RGL1: variants seen among roughly 807,000 people sequenced by gnomAD.
RGL1 encodes ral guanine nucleotide dissociation stimulator-like 1.
Under a neutral mutation model 95.2 loss-of-function variants are expected in RGL1, and 24 were observed. The ratio of observed to expected loss-of-function variants is 0.25; its 90% CI spans 0.18 to 0.35. The LOEUF (loss-of-function observed/expected upper bound fraction) is 0.35. Among genes scored for constraint, RGL1 ranks in the 10% least tolerant of loss-of-function variants. The pLI, the probability that RGL1 is intolerant of heterozygous loss-of-function variation, is 1.00. For missense variants in RGL1, 715 were observed against 936.3 expected (o/e 0.76, Z 3.08); for synonymous variants, 329 against 344.9 (o/e 0.95, Z 0.51).
chr1:183,763,091 G>A (rs924118837), intron 2 of RGL1, among the ~76,000 whole-genome samples: 1 of 152,156 alleles, frequency 6.6e-6, no homozygotes, highest in African/African-American at 2.4e-5. Flanking sequence ...CCTTTGCAGG[G>A]ACATGGATGA....
At chr1:183,747,190 C>T (rs1196729037) in intron 2 of RGL1, among the ~76,000 whole-genome samples, 7 of 152,240 alleles carry the variant, frequency 4.6e-5, no homozygotes, top group African/African-American at 1.4e-4. Flanking sequence ...ATTGCTGGGT[C>T]AAATGGTATT....
chr1:183,815,917 C>T (rs1055774515), intron 2 of RGL1, among the ~76,000 whole-genome samples: 3 of 152,172 alleles, frequency 2.0e-5, no homozygotes, highest in Non-Finnish European at 2.9e-5. Flanking sequence ...GGCTTTCTTA[C>T]ATGGACCCCC....
intron 2 of RGL1, among the ~76,000 whole-genome samples, chr1:183,824,879 C>T (rs528978376): frequency 3.3e-4 from 23 of 70,254 alleles, no homozygotes; most frequent in African/African-American, 1.1e-3. Flanking sequence ...ACATGTCTGA[C>T]ACCTGTACAA....
Position 183,774,477 on chromosome 1 carries a change from C to T in RGL1, c.133-31898C>T, listed in dbSNP as rs993357796. Reference sequence around the variant, plus strand: ...GTCATTTGCCATCTTTAACTGAAAGCGATCCAATAGTCCCATAGACAGTTC... The same window carrying T: ...GTCATTTGCCATCTTTAACTGAAAGTGATCCAATAGTCCCATAGACAGTTC... On this transcript the variant is annotated intron_variant, in intron 2 of 18. Transcript: ENST00000304685. 4.6e-5 allele frequency among the ~76,000 whole-genome samples: 7 copies of T among 151,936 alleles called. 1 individual carries two copies. The highest frequency in any genetic ancestry group is 3.9e-4 in the Admixed American group (6 of 15,238).
At chr1:183,679,166 T>C (rs1370533577) in intron 1 of RGL1, among the ~76,000 whole-genome samples, 6 of 152,218 alleles carry the variant, frequency 3.9e-5, no homozygotes, top group Admixed American at 3.9e-4. Flanking sequence ...ACCTTTTAAA[T>C]TTCTACCTAA....
intron 1 of RGL1, among the ~76,000 whole-genome samples, chr1:183,703,888 G>A (rs1455017144): frequency 1.3e-5 from 2 of 152,206 alleles, no homozygotes; most frequent in Non-Finnish European, 2.9e-5. Context: ...GTGAGGACAA[G>A]TGAGAATAGG....
intron 2 of RGL1, among the ~76,000 whole-genome samples, chr1:183,812,510 G>A (rs1411758952): frequency 6.6e-6 from 1 of 152,200 alleles, no homozygotes; most frequent in Non-Finnish European, 1.5e-5. Context: ...CTTTATGCCA[G>A]ACACCATGTT....
At chr1:183,798,232 A>G (rs1248370562) in intron 2 of RGL1, among the ~76,000 whole-genome samples, 1 of 152,152 alleles carries the variant, frequency 6.6e-6, no homozygotes, top group Non-Finnish European at 1.5e-5. Context: ...TAAACTTTTG[A>G]CTGGGCATAG....
chr1:183,817,052 C>T (rs1280626958), intron 2 of RGL1, among the ~76,000 whole-genome samples: 2 of 152,176 alleles, frequency 1.3e-5, no homozygotes, highest in East Asian at 3.8e-4. Context: ...CTTTCTGGTA[C>T]TTTTAATTTG....
At position 183,856,273 on chromosome 1, in the gene RGL1, G is replaced by A. The variant is rs188913209; in HGVS notation, c.347+8499G>A. 8.7e-4 allele frequency among the ~76,000 whole-genome samples: 131 copies of A among 151,280 alleles called. 1 individual carries two copies. In the East Asian group the frequency reaches 0.019, roughly 22 times the overall value. ...AAAAAAACCCAAAAAAACTTGGATG[G>A]GTTACACACACATACACATACACAC... On this transcript the variant is annotated intron_variant, in intron 3 of 17. Coordinates refer to ENST00000360851, the MANE Select transcript of RGL1 (RefSeq NM_001297671.3).
intron 10 of RGL1, among the ~76,000 whole-genome samples, chr1:183,899,926 T>G (rs1667920562): frequency 6.6e-6 from 1 of 152,202 alleles, no homozygotes; most frequent in African/African-American, 2.4e-5. Context: ...GTGTATGATC[T>G]CCTGGCTTTG....
At position 183,726,745 on chromosome 1, in the gene RGL1, C is replaced by T. The variant is rs561561390; in HGVS notation, c.-32-15381C>T. Among the ~76,000 whole-genome samples, 37 of 152,166 alleles carry T rather than the reference C, an allele frequency of 2.4e-4. No homozygotes were observed. The South Asian group carries it at 2.9e-3, about 12-fold the overall frequency. The stretch of plus-strand genomic sequence containing the variant: ...CAAGGTAGAAATATAAGTGACAATC[C>T]CTTATCCAAAACGCTTGGGACCAGA... On this transcript the variant is annotated intron_variant, in intron 1 of 18. Coordinates refer to the RGL1 transcript ENST00000304685.
At chr1:183,752,344 A>G (rs1342021407) in intron 2 of RGL1, among the ~76,000 whole-genome samples, 1 of 151,836 alleles carries the variant, frequency 6.6e-6, no homozygotes. Context: ...CTCCTGCCTC[A>G]GCCTCCTGAG....
At chr1:183,840,665 C>T (rs1228801377) in intron 2 of RGL1, among the ~76,000 whole-genome samples, 1 of 151,422 alleles carries the variant, frequency 6.6e-6, no homozygotes, top group Non-Finnish European at 1.5e-5. Context: ...GAGTTTGAGA[C>T]CAGCTTGGGC....
chr1:183,871,762 T>C (rs898348221), intron 4 of RGL1, among the ~76,000 whole-genome samples: 1 of 152,248 alleles, frequency 6.6e-6, no homozygotes, highest in Admixed American at 6.5e-5. Context: ...CGACTAGTGT[T>C]CTTCATGCAT....
intron 1 of RGL1, among the ~76,000 whole-genome samples, chr1:183,694,762 A>C (rs1654162266): frequency 6.6e-6 from 1 of 152,250 alleles, no homozygotes; most frequent in African/African-American, 2.4e-5. Context: ...TTTAAATGTA[A>C]GGCTAGAAGT....
intron 2 of RGL1, among the ~76,000 whole-genome samples, chr1:183,824,287 C>T (rs1662701296): frequency 6.6e-6 from 1 of 152,150 alleles, no homozygotes; most frequent in Admixed American, 6.5e-5. Flanking sequence ...GAAGATTCCG[C>T]TCATCACATC....
At chr1:183,788,275 T>A (rs1660276777) in intron 2 of RGL1, among the ~76,000 whole-genome samples, 1 of 152,154 alleles carries the variant, frequency 6.6e-6, no homozygotes, top group African/African-American at 2.4e-5. Context: ...GGAGAGCCAA[T>A]GATGTAAATC....
intron 1 of RGL1, among the ~76,000 whole-genome samples, chr1:183,706,711 GC>G (rs60540773): frequency 1 from 152,292 of 152,292 alleles, 76,146 homozygotes; most frequent in Non-Finnish European, 1. Flanking sequence ...TGGAGCTGCG[GC>G]CCCCGTGGGC....
Sources: gnomAD v4.1 joint callset for allele counts (sites outside exome capture counted in the v4.1 genomes callset) on GRCh38, gnomAD v4.1.1 for gene constraint, MANE v1.5 for transcripts, NCBI Gene and HGNC (gene_info 2026-07-23, HGNC 2026-07-21) for gene names.